Variants in RASA3 observed in about 807,000 individuals in gnomAD.
The protein encoded by RASA3 is ras GTPase-activating protein 3.
RASA3 carries 73 observed loss-of-function variants against 110.0 expected under a neutral mutation model. That is an observed-to-expected ratio of 0.66 (90% CI 0.55 to 0.81). The LOEUF is 0.81. Ranked by LOEUF, RASA3 falls within the 30% of genes least tolerant of loss-of-function variation. RASA3 has a pLI of 0.00. For synonymous variants in RASA3, 500 were observed against 451.4 expected, an observed-to-expected ratio of 1.11 and a Z score of -1.37; for missense variants, 976 against 1,113.2, an observed-to-expected ratio of 0.88 and a Z score of 1.75.
At chr13:113,980,737 A>G (rs976443933) in intron 23 of RASA3, among the ~76,000 whole-genome samples, 6 of 152,206 alleles carry the variant, frequency 3.9e-5, no homozygotes, top group Non-Finnish European at 7.3e-5. Flanking sequence ...CAGTCCCCTG[A>G]GCAACTCGGT....
chr13:114,119,972 C>T (rs1217723174), intron 1 of RASA3, among the ~76,000 whole-genome samples: 5 of 28,984 alleles, frequency 1.7e-4, no homozygotes, highest in East Asian at 1.3e-3. Context: ...CCATCAGGGC[C>T]CCTCCCTCTC....
intron 1 of RASA3, among the ~76,000 whole-genome samples, chr13:114,111,615 C>A (rs12876358): frequency 3.6e-5 from 2 of 56,014 alleles, no homozygotes; most frequent in Non-Finnish European, 1.0e-4. Context: ...AGCTGCAGGC[C>A]GAGTTCTAAC....
At chr13:114,068,008 T>C (rs2079482746) in intron 2 of RASA3, among the ~76,000 whole-genome samples, 1 of 152,262 alleles carries the variant, frequency 6.6e-6, no homozygotes, top group Non-Finnish European at 1.5e-5. Flanking sequence ...CATGATTTTT[T>C]AAACAAAAGA....
chr13:114,075,622 A>G (rs9525243), intron 1 of RASA3, among the ~76,000 whole-genome samples: 420 of 20,904 alleles, frequency 0.02, 3 homozygotes, highest in South Asian at 0.034. Context: ...CCGTGTCCGC[A>G]CCGCGTATCT....
chr13:113,999,163 G>A (rs952484859), intron 20 of RASA3, among the ~76,000 whole-genome samples: 57 of 152,268 alleles, frequency 3.7e-4, no homozygotes, highest in African/African-American at 1.4e-3. Flanking sequence ...GGTCAAGGGT[G>A]TGTGGAAAGT....
At chr13:113,991,818 G>A (rs146755892) in intron 22 of RASA3, among the ~76,000 whole-genome samples, 1 of 152,188 alleles carries the variant, frequency 6.6e-6, no homozygotes, top group Non-Finnish European at 1.5e-5. Context: ...AGACATACAT[G>A]CATACTCACA....
At chr13:114,061,826 C>A (rs536785446) in intron 2 of RASA3, among the ~76,000 whole-genome samples, 1 of 152,214 alleles carries the variant, frequency 6.6e-6, no homozygotes, top group South Asian at 2.1e-4. Flanking sequence ...GCCCTATCCA[C>A]GGAGGCGGCA....
Position 114,056,481 on chromosome 13 carries a change from G to C in RASA3, c.174-4326C>G. 1.0e-6 allele frequency: 1 copy of C among 985,418 alleles called. No homozygotes were observed. Among genetic ancestry groups the C allele is most frequent in the Non-Finnish European group, 1.2e-6 (1 of 829,930 alleles). 61.0% of individuals were successfully genotyped at this position (985,418 alleles called of 1,614,324 possible). A position where few individuals can be genotyped will look rare whatever the true frequency, so the allele number is the denominator to read the frequency against. ...CCCAGGGCTTGGGCAGCAGGGCTGA[G>C]AGTGCGGCGTCCCTGGGCGCTGCCC... On this transcript the variant is annotated intron_variant, in intron 2 of 23. Coordinates refer to ENST00000334062, the MANE Select transcript of RASA3 (RefSeq NM_007368.4). The surrounding 1 kb of genome is among the most constrained non-coding windows in gnomAD (Gnocchi z 5.7).
At chr13:114,051,371 C>T (rs887619562) in intron 3 of RASA3, among the ~76,000 whole-genome samples, 2 of 152,248 alleles carry the variant, frequency 1.3e-5, no homozygotes, top group African/African-American at 4.8e-5. Context: ...GATCCCTCAG[C>T]CTCCCACGCC....
rs538419000 is a variant in RASA3, at chr13:114,057,152, T to C, written c.174-4997A>G. On this transcript the variant is annotated intron_variant, in intron 2 of 23. Transcript: ENST00000334062. This position sits in a 1 kb window ranked among gnomAD's most constrained non-coding sequence, Gnocchi z 5.0. ...GCATGTCTGATGTCGTTTATTCTAGTGGTTCCAATTGCCTATTTTAATGTT... is the reference window on the plus strand; with the variant it reads ...GCATGTCTGATGTCGTTTATTCTAGCGGTTCCAATTGCCTATTTTAATGTT... 9.8e-5 allele frequency: 93 copies of C among 946,268 alleles called. 2 individuals are homozygous for C. The African/African-American group carries it at 1.6e-3, about 16-fold the overall frequency. The allele number at this position is 946,268 out of a possible 1,614,324, so 58.6% of individuals were successfully genotyped here. A position where few individuals can be genotyped will look rare whatever the true frequency, so the allele number is the denominator to read the frequency against.
intron 1 of RASA3, among the ~76,000 whole-genome samples, chr13:114,113,118 AT>A (rs2080239682): frequency 6.6e-6 from 1 of 152,186 alleles, no homozygotes; most frequent in Non-Finnish European, 1.5e-5. Context: ...CATAAGCCAC[AT>A]GCCAAGTCCA....
In RASA3 at chr13:114,018,912, G is replaced by A; in HGVS notation, c.793C>T (p.Leu265Phe). 4.3e-6 allele frequency: 7 copies of A among 1,613,676 alleles called. No homozygotes were observed. Among genetic ancestry groups the A allele is most frequent in the Non-Finnish European group, 5.9e-6 (7 of 1,179,972 alleles). The change falls in exon 10 of 24, where the codon CTC becomes TTC. Residue 265 changes from leucine to phenylalanine, a missense_variant. Leu to Phe is a conservative substitution (Grantham distance 22). Transcript: ENST00000334062. ...TTGCTACCATTGTCCCGGGGCTGGA[G>A]GAAGTACCTGGGTGGGAGGGACACA... The part of the protein sequence containing the change: ...QSSSYEAWYF[L>F]QPRDNGSKSL...
intron 2 of RASA3, among the ~76,000 whole-genome samples, chr13:114,070,190 G>A (rs1261542143): frequency 2.3e-5 from 3 of 129,598 alleles, no homozygotes; most frequent in African/African-American, 8.6e-5. Context: ...GGGAGACTTG[G>A]GGGCTGGGAG....
rs148626133 is a variant in RASA3, at chr13:114,042,871, G to C, written c.278-1777C>G. ...CTCAGTCGGTCCTGCGGTGACCCTGGAGGAGCAGGTACCACTCTGCACACC... is the reference window on the plus strand; with the variant it reads ...CTCAGTCGGTCCTGCGGTGACCCTGCAGGAGCAGGTACCACTCTGCACACC... On this transcript the variant is annotated intron_variant, in intron 3 of 23. Coordinates refer to ENST00000334062, the MANE Select transcript of RASA3 (RefSeq NM_007368.4). 1.5e-3 allele frequency among the ~76,000 whole-genome samples: 231 copies of C among 152,316 alleles called. 5 individuals are homozygous for C. The East Asian group carries it at 0.037, about 25-fold the overall frequency.
At chr13:114,034,056 G>C (rs1214979374) in intron 4 of RASA3, among the ~76,000 whole-genome samples, 1 of 152,154 alleles carries the variant, frequency 6.6e-6, no homozygotes, top group East Asian at 1.9e-4. Context: ...GCTATCCATG[G>C]GCTAAAGGAG....
At chr13:114,062,653 C>T (rs181189844) in intron 2 of RASA3, among the ~76,000 whole-genome samples, 8 of 150,176 alleles carry the variant, frequency 5.3e-5, no homozygotes, top group Admixed American at 2.0e-4. Flanking sequence ...GACTCGGACA[C>T]GCGTGCTCAC....
intron 1 of RASA3, among the ~76,000 whole-genome samples, chr13:114,081,338 T>A (rs1242352702): frequency 6.6e-6 from 1 of 152,010 alleles, no homozygotes; most frequent in Non-Finnish European, 1.5e-5. Context: ...AGGCCGGGCC[T>A]CCCCAGGGCT....
intron 2 of RASA3, 107 bp downstream of exon 2, chr13:114,073,613 G>A (rs567360244): frequency 1.1e-6 from 1 of 929,206 alleles, no homozygotes; most frequent in African/African-American, 1.6e-5. Flanking sequence ...TACACGCTCG[G>A]GACGTTCTCC....
intron 3 of RASA3, among the ~76,000 whole-genome samples, chr13:114,043,426 G>A (rs574734583): frequency 2.4e-4 from 37 of 152,260 alleles, no homozygotes; most frequent in African/African-American, 8.9e-4. Context: ...GCAGCCCTGG[G>A]AACAGCCCTG....
Sources: gnomAD v4.1 joint callset for allele counts (sites outside exome capture counted in the v4.1 genomes callset) on GRCh38, gnomAD v4.1.1 for gene constraint, Gnocchi (gnomAD v3.1) non-coding constraint, MANE v1.5 for transcripts, NCBI Gene and HGNC (gene_info 2026-07-23, HGNC 2026-07-21) for gene names.